Variants in CAMTA1 observed in about 807,000 individuals in gnomAD.
CAMTA1 encodes calmodulin-binding transcription activator 1.
CAMTA1 carries 27 observed loss-of-function variants against 170.9 expected under a neutral mutation model. That is an observed-to-expected ratio of 0.16 (90% CI 0.12 to 0.22). CAMTA1 has a LOEUF of 0.22. Among genes scored for constraint, CAMTA1 ranks in the 10% least tolerant of loss-of-function variants. The pLI is 1.00. For synonymous variants in CAMTA1, 833 were observed against 891.5 expected (o/e 0.93, Z 1.17); for missense variants, 1,619 against 2,217.2 (o/e 0.73, Z 5.42).
At chr1:7,100,572 G>A (rs1484833194) in intron 4 of CAMTA1, among the ~76,000 whole-genome samples, 1 of 152,184 alleles carries the variant, frequency 6.6e-6, no homozygotes, top group Non-Finnish European at 1.5e-5. Flanking sequence ...CAGTTTGGAG[G>A]TTTCTAAGTG....
chr1:7,154,234 C>G (rs1397226052), intron 4 of CAMTA1, among the ~76,000 whole-genome samples: 1 of 152,130 alleles, frequency 6.6e-6, no homozygotes, highest in Non-Finnish European at 1.5e-5. Context: ...AGAAGATGAA[C>G]AGATTGACCC....
chr1:7,364,601 A>G (rs1046458459), intron 5 of CAMTA1, among the ~76,000 whole-genome samples: 5 of 152,096 alleles, frequency 3.3e-5, no homozygotes, highest in African/African-American at 1.2e-4. Flanking sequence ...CCTATGCTAG[A>G]AGGCAGGCGT....
At chr1:7,150,379 C>T (rs2148680486) in intron 4 of CAMTA1, among the ~76,000 whole-genome samples, 1 of 152,302 alleles carries the variant, frequency 6.6e-6, no homozygotes, top group South Asian at 2.1e-4. Flanking sequence ...AGACGAAACC[C>T]CTGCTTCCTC....
chr1:7,586,161 A>G (rs2095308006), intron 6 of CAMTA1, among the ~76,000 whole-genome samples: 1 of 151,826 alleles, frequency 6.6e-6, no homozygotes, highest in African/African-American at 2.4e-5. Flanking sequence ...GGCTGCATCC[A>G]TCCCTCAGGG....
chr1:7,449,532 G>GCCA (rs2092762910), intron 5 of CAMTA1, among the ~76,000 whole-genome samples: 1 of 152,152 alleles, frequency 6.6e-6, no homozygotes, highest in African/African-American at 2.4e-5. Context: ...CACTTTGGAA[G>GCCA]GCCAAGGCGG....
At chr1:7,185,891 C>T (rs1308904919) in intron 4 of CAMTA1, among the ~76,000 whole-genome samples, 1 of 152,188 alleles carries the variant, frequency 6.6e-6, no homozygotes, top group Non-Finnish European at 1.5e-5. Flanking sequence ...GATACAAAAA[C>T]TGGATGTTCG....
Position 7,590,578 on chromosome 1 carries a change from C to A in CAMTA1, c.511-49822C>A, listed in dbSNP as rs528710522. ...AGGGCTACAGCTGGAGGTGCCCCCA[C>A]CCACTAGCATACTTGGGGTGGGCGG... On this transcript the variant is annotated intron_variant, in intron 6 of 22. Coordinates refer to ENST00000303635, the MANE Select transcript of CAMTA1 (RefSeq NM_015215.4). Among the ~76,000 whole-genome samples the A allele has an allele frequency of 2.1e-3, 321 of 152,328 alleles. 3 individuals are homozygous for A. Among genetic ancestry groups the A allele is most frequent in the African/African-American group, 7.4e-3 (309 of 41,586 alleles).
intron 4 of CAMTA1, among the ~76,000 whole-genome samples, chr1:7,191,236 C>T (rs971065237): frequency 6.6e-6 from 1 of 152,296 alleles, no homozygotes; most frequent in African/African-American, 2.4e-5. Flanking sequence ...GGGTAGGACA[C>T]CCCATAGCTT....
At position 7,216,531 on chromosome 1, in the gene CAMTA1, G is replaced by A. The variant is rs568690549; in HGVS notation, c.303-32960G>A. 3.4e-5 allele frequency among the ~76,000 whole-genome samples: 5 copies of A among 148,360 alleles called. No homozygotes were observed. Among genetic ancestry groups the A allele is most frequent in the South Asian group, 2.2e-4 (1 of 4,558 alleles). Reference sequence around the variant, plus strand: ...CTTCCTTCCTTCCTTTCTTTCTTTCGTTCTTTCACAGAACTGTCGCCCAGG... The same window carrying A: ...CTTCCTTCCTTCCTTTCTTTCTTTCATTCTTTCACAGAACTGTCGCCCAGG... On this transcript the variant is annotated intron_variant, in intron 4 of 22. Coordinates refer to ENST00000303635, the MANE Select transcript of CAMTA1 (RefSeq NM_015215.4). The surrounding 1 kb of genome is among the most constrained non-coding windows in gnomAD (Gnocchi z 4.0).
chr1:6,797,716 T>C (rs1367937307), intron 1 of CAMTA1, among the ~76,000 whole-genome samples: 1 of 152,046 alleles, frequency 6.6e-6, no homozygotes, highest in African/African-American at 2.4e-5. Flanking sequence ...CCATAACAAC[T>C]CACAGATCCT....
chr1:6,833,400 C>T (rs1288253936), intron 3 of CAMTA1, among the ~76,000 whole-genome samples: 1 of 152,006 alleles, frequency 6.6e-6, no homozygotes, highest in African/African-American at 2.4e-5. Context: ...AAATATAAAA[C>T]TCAGATATAT....
At chr1:7,183,977 C>T (rs554599182) in intron 4 of CAMTA1, among the ~76,000 whole-genome samples, 28 of 152,110 alleles carry the variant, frequency 1.8e-4, no homozygotes, top group Non-Finnish European at 3.5e-4. Flanking sequence ...TTGGAAGCAA[C>T]CTAAGTGTCC....
At chr1:6,821,371 A>G (rs562649293) in intron 2 of CAMTA1, among the ~76,000 whole-genome samples, 4 of 152,312 alleles carry the variant, frequency 2.6e-5, no homozygotes, top group African/African-American at 9.6e-5. Flanking sequence ...TGCTGTGAGC[A>G]TTATGCTGAC....
intron 22 of CAMTA1, among the ~76,000 whole-genome samples, chr1:7,757,027 C>T (rs2096936414): frequency 6.6e-6 from 1 of 151,900 alleles, no homozygotes; most frequent in Non-Finnish European, 1.5e-5. Context: ...TATTCAATGC[C>T]CCCTCTTCTT....
intron 3 of CAMTA1, among the ~76,000 whole-genome samples, chr1:6,964,224 C>T (rs139886445): frequency 2.2e-4 from 33 of 151,596 alleles, no homozygotes; most frequent in Non-Finnish European, 4.1e-4. Context: ...AGGGGTGCAG[C>T]GTCCTGGAGG....
At chr1:6,833,575 G>A (rs1651455852) in intron 3 of CAMTA1, among the ~76,000 whole-genome samples, 1 of 152,144 alleles carries the variant, frequency 6.6e-6, no homozygotes, top group Admixed American at 6.5e-5. Context: ...GTACTATCTT[G>A]TGTCCTGCAA....
chr1:7,561,099 G>C lies in CAMTA1; in HGVS notation c.511-79301G>C, dbSNP rs2094950856. On this transcript the variant is annotated intron_variant, in intron 6 of 22. Transcript: ENST00000303635. The surrounding 1 kb of genome is among the most constrained non-coding windows in gnomAD (Gnocchi z 5.3). ...CCCATGAGGCAGGATCCTCATTGCT[G>C]TCCTTTCTGAACAACGCCCAAGAAT... Among the ~76,000 whole-genome samples the C allele has an allele frequency of 6.6e-6, 1 of 152,136 alleles. No homozygotes were observed. Among genetic ancestry groups the C allele is most frequent in the Non-Finnish European group, 1.5e-5 (1 of 68,020 alleles).
intron 6 of CAMTA1, among the ~76,000 whole-genome samples, chr1:7,618,298 A>C (rs1211998643): frequency 1.3e-5 from 2 of 152,172 alleles, no homozygotes; most frequent in Non-Finnish European, 2.9e-5. Context: ...TCACCTCCCA[A>C]GCCAGACCAG....
chr1:7,169,564 G>C (rs961056060), intron 4 of CAMTA1, among the ~76,000 whole-genome samples: 3 of 152,100 alleles, frequency 2.0e-5, no homozygotes, highest in Non-Finnish European at 4.4e-5. Flanking sequence ...GAGTGCAGTA[G>C]TGCAATCTCA....
Sources: allele counts gnomAD v4.1 joint callset (sites outside exome capture counted in the v4.1 genomes callset), GRCh38; gene constraint gnomAD v4.1.1; non-coding constraint Gnocchi (gnomAD v3.1); transcripts MANE v1.5; gene names NCBI Gene and HGNC (gene_info 2026-07-23, HGNC 2026-07-21).